Variants in RALYL observed in about 807,000 individuals in gnomAD.
The protein encoded by RALYL is RNA-binding Raly-like protein.
Under a neutral mutation model 35.1 loss-of-function variants are expected in RALYL, and 29 were observed. The ratio of observed to expected loss-of-function variants is 0.83; its 90% CI spans 0.61 to 1.13. The LOEUF (loss-of-function observed/expected upper bound fraction) is 1.13. Among genes scored for constraint, RALYL ranks in the 50% most tolerant of loss-of-function variants. The pLI, the probability that RALYL is intolerant of heterozygous loss-of-function variation, is 0.00. For synonymous variants in RALYL, 120 were observed against 127.6 expected (o/e 0.94, Z 0.40); for missense variants, 359 against 360.4 (o/e 1.00, Z 0.03).
At chr8:84,528,085 A>G (rs778258610) in intron 1 of RALYL, among the ~76,000 whole-genome samples, 54 of 152,266 alleles carry the variant, frequency 3.5e-4, no homozygotes, top group Middle Eastern at 6.8e-3. Context: ...TGCTTAATTT[A>G]GAAATATCAT....
intron 2 of RALYL, among the ~76,000 whole-genome samples, chr8:84,557,459 T>C (rs2061205071): frequency 6.6e-6 from 1 of 152,220 alleles, no homozygotes; most frequent in East Asian, 1.9e-4. Flanking sequence ...AGGAATTAAA[T>C]GACTATTGTG....
At chr8:84,205,626 A>G (rs1246705530) in intron 1 of RALYL, among the ~76,000 whole-genome samples, 2 of 152,228 alleles carry the variant, frequency 1.3e-5, no homozygotes, top group South Asian at 2.1e-4. Context: ...GGGTCTGAAT[A>G]TTAGCACTAG....
intron 1 of RALYL, among the ~76,000 whole-genome samples, chr8:84,367,935 TA>T (rs911418291): frequency 3.9e-5 from 6 of 152,162 alleles, no homozygotes; most frequent in Non-Finnish European, 8.8e-5. Context: ...TCTCTGAGCT[TA>T]AAAAAAGTCA....
chr8:84,882,988 T>G (rs1842414177), intron 7 of RALYL, among the ~76,000 whole-genome samples: 1 of 152,088 alleles, frequency 6.6e-6, no homozygotes, highest in African/African-American at 2.4e-5. Context: ...TGTGCTTTCA[T>G]GTGTGATTTT....
chr8:84,423,654 T>C (rs1470376930), intron 1 of RALYL, among the ~76,000 whole-genome samples: 1 of 152,062 alleles, frequency 6.6e-6, no homozygotes, highest in African/African-American at 2.4e-5. Context: ...TCGATGGTCT[T>C]TACATTTTGG....
intron 2 of RALYL, among the ~76,000 whole-genome samples, chr8:84,750,122 CTGG>C (rs1809598488): frequency 6.6e-6 from 1 of 152,176 alleles, no homozygotes; most frequent in South Asian, 2.1e-4. Flanking sequence ...GGGGAAAGAA[CTGG>C]GTCACTCCAG....
At chr8:84,544,592 A>G (rs2060231778) in intron 2 of RALYL, among the ~76,000 whole-genome samples, 1 of 152,034 alleles carries the variant, frequency 6.6e-6, no homozygotes. Flanking sequence ...TTTTCTTATC[A>G]TTAGTTACAC....
At chr8:84,242,242 C>T (rs1223740066) in intron 1 of RALYL, among the ~76,000 whole-genome samples, 1 of 152,088 alleles carries the variant, frequency 6.6e-6, no homozygotes, top group Non-Finnish European at 1.5e-5. Flanking sequence ...TTTCTTTATC[C>T]AGTCTGTCAT....
At chr8:84,306,074 G>A (rs1586124489) in intron 1 of RALYL, among the ~76,000 whole-genome samples, 1 of 151,608 alleles carries the variant, frequency 6.6e-6, no homozygotes. Context: ...TGAGGCAGGA[G>A]AATGGCGTGA....
At chr8:84,350,943 G>T (rs749680485) in intron 1 of RALYL, among the ~76,000 whole-genome samples, 1 of 150,062 alleles carries the variant, frequency 6.7e-6, no homozygotes, top group Non-Finnish European at 1.5e-5. Context: ...AAGGATCTCT[G>T]TTGGGGAGAT....
At chr8:84,640,971 A>G (rs1046598242) in intron 2 of RALYL, among the ~76,000 whole-genome samples, 1 of 151,818 alleles carries the variant, frequency 6.6e-6, no homozygotes, top group Non-Finnish European at 1.5e-5. Context: ...TTTTTCTTTC[A>G]TGAACCTTGT....
At chr8:84,659,659 T>C (rs1830553032) in intron 2 of RALYL, among the ~76,000 whole-genome samples, 1 of 152,042 alleles carries the variant, frequency 6.6e-6, no homozygotes. Context: ...TAGGAGTAGG[T>C]GGAGGCTCAG....
intron 2 of RALYL, among the ~76,000 whole-genome samples, chr8:84,748,758 AC>A (rs1382913463): frequency 1.3e-5 from 2 of 152,114 alleles, no homozygotes; most frequent in Non-Finnish European, 2.9e-5. Flanking sequence ...AGATTTATGT[AC>A]CCATAATCAA....
chr8:84,886,411 G>T (rs1353965424), intron 7 of RALYL, among the ~76,000 whole-genome samples: 2 of 151,940 alleles, frequency 1.3e-5, no homozygotes, highest in Non-Finnish European at 2.9e-5. Context: ...GACCAGAAAT[G>T]AATACCCTAA....
intron 2 of RALYL, among the ~76,000 whole-genome samples, chr8:84,699,530 T>C (rs1453126144): frequency 6.6e-6 from 1 of 152,126 alleles, no homozygotes; most frequent in Non-Finnish European, 1.5e-5. Flanking sequence ...CTTTGTGTCC[T>C]CAGGTGGAAG....
intron 1 of RALYL, among the ~76,000 whole-genome samples, chr8:84,503,316 G>T (rs2056866752): frequency 6.7e-6 from 1 of 149,896 alleles, no homozygotes; most frequent in Non-Finnish European, 1.5e-5. Flanking sequence ...ACCATGCCTG[G>T]CTAATTTTTT....
chr8:84,232,825 TAA>T (rs1242933353), intron 1 of RALYL, among the ~76,000 whole-genome samples: 2 of 152,130 alleles, frequency 1.3e-5, no homozygotes, highest in African/African-American at 4.8e-5. Flanking sequence ...GATCATATTA[TAA>T]CTGTGTGGAA....
intron 7 of RALYL, among the ~76,000 whole-genome samples, chr8:84,884,720 C>T: frequency 6.6e-6 from 1 of 152,004 alleles, no homozygotes; most frequent in Admixed American, 6.6e-5. Context: ...AAGATAAACA[C>T]AATGACCTGA....
At chr8:84,498,943 C>A (rs1451723701) in intron 1 of RALYL, among the ~76,000 whole-genome samples, 1 of 151,826 alleles carries the variant, frequency 6.6e-6, no homozygotes, top group Non-Finnish European at 1.5e-5. Flanking sequence ...TCCTATTTAT[C>A]CAAGGAAATA....
Sources: allele counts gnomAD v4.1 joint callset (sites outside exome capture counted in the v4.1 genomes callset), GRCh38; gene constraint gnomAD v4.1.1; transcripts MANE v1.5; gene names NCBI Gene and HGNC (gene_info 2026-07-23, HGNC 2026-07-21).